CPNE6: variants seen among roughly 807,000 people sequenced by gnomAD.
CPNE6 encodes the protein copine-6.
A neutral mutation model predicts 71.5 loss-of-function variants in CPNE6; 33 were observed. The observed-to-expected ratio is 0.46, with a 90% CI of 0.35 to 0.62. CPNE6 has a LOEUF of 0.62. Ranked by LOEUF, CPNE6 falls within the 20% of genes least tolerant of loss-of-function variation. CPNE6 has a pLI of 0.00. For missense variants in CPNE6, 576 were observed against 747.3 expected, an observed-to-expected ratio of 0.77 and a Z score of 2.67; for synonymous variants, 296 against 293.0, an observed-to-expected ratio of 1.01 and a Z score of -0.10.
intron 1 of CPNE6, 61 bp from the exon 1 acceptor site, chr14:24,071,501 G>GGGCCCCCCCC: frequency 1.7e-5 from 24 of 1,416,670 alleles, no homozygotes; most frequent in Non-Finnish European, 2.1e-5. Context: ...CTGGTGCTGC[G>GGGCCCCCCCC]CCCCCCCCCA....
chr14:24,072,626 G>GGCC (rs1304766766), intron 2 of CPNE6: 1 of 284,202 alleles, frequency 3.5e-6, no homozygotes, highest in Non-Finnish European at 6.6e-6. Context: ...AGAAAGTGTA[G>GGCC]ATCAATCGAT....
At chr14:24,071,375 G>A (rs1343688560) in intron 1 of CPNE6, 187 bp from the exon 1 acceptor site, 3 of 1,445,282 alleles carry the variant, frequency 2.1e-6, no homozygotes, top group Admixed American at 5.3e-5. Flanking sequence ...GTCTGTGGGG[G>A]TCCTGCCTCT....
chr14:24,073,100 T>G lies in CPNE6; in HGVS notation c.164T>G (p.Val55Gly). 6.9e-7 allele frequency: 1 copy of G among 1,456,562 alleles called. No individual in the cohort carries two copies. The highest frequency in any genetic ancestry group is 9.1e-7 in the Non-Finnish European group (1 of 1,103,524). 90.2% of individuals were successfully genotyped at this position (1,456,562 alleles called of 1,614,324 possible). The change falls in exon 3 of 18, where the codon GTG (valine) becomes GGG (glycine). Residue 55 changes from valine (V) to glycine (G), a missense_variant. Around this residue, in one of 4 missense-constraint regions of CPNE6, gnomAD observed 89 missense variants for 80.4 expected, o/e 1.11. Coordinates refer to ENST00000397016, the Ensembl canonical transcript of CPNE6. This position sits in a 1 kb window ranked among gnomAD's most constrained non-coding sequence, Gnocchi z 5.5. ...AAGCTCTACTCTGATGAGCAGTGGG[T>G]GGAGGTGAGAGCAGCTCAGGTTTCT...
Position 24,075,345 on chromosome 14 carries a change from G to A in CPNE6, c.777+69G>A. On this transcript the variant is annotated intron_variant, in intron 9 of 17. Transcript: ENST00000397016. The surrounding 1 kb of genome is among the most constrained non-coding windows in gnomAD (Gnocchi z 4.3). ...GGAGAATCCTGAGGGTGATGCTGAAGAGACCACCATAGGTGATAGGAAGTG... is the reference window on the plus strand; with the variant it reads ...GGAGAATCCTGAGGGTGATGCTGAAAAGACCACCATAGGTGATAGGAAGTG... The A allele has an allele frequency of 4.1e-6, 6 of 1,468,736 alleles. No individual in the cohort carries two copies. Among genetic ancestry groups the A allele is most frequent in the Non-Finnish European group, 5.7e-6 (6 of 1,047,900 alleles). 91.0% of individuals were successfully genotyped at this position (1,468,736 alleles called of 1,614,324 possible). A position where few individuals can be genotyped will look rare whatever the true frequency, so the allele number is the denominator to read the frequency against.
In CPNE6 at chr14:24,073,628, A is replaced by G; in HGVS notation, c.298A>G (p.Ser100Gly). Residue 100 changes from serine to glycine, a missense_variant, in exon 4 of 18, where the codon AGC becomes GGC. Coordinates refer to ENST00000397016, the Ensembl canonical transcript of CPNE6. This position sits in a 1 kb window ranked among gnomAD's most constrained non-coding sequence, Gnocchi z 5.5. The stretch of plus-strand genomic sequence containing the variant: ...GTTCGATGCCGAGGACGGAGCCACC[A>G]GCCCCCGAAATGATACCTTCCTCGG... 1 of 1,613,994 alleles carries G rather than the reference A, an allele frequency of 6.2e-7. No homozygotes were observed. Among genetic ancestry groups the G allele is most frequent in the Non-Finnish European group, 8.5e-7 (1 of 1,180,024 alleles).
At position 24,074,218 on chromosome 14, in the gene CPNE6, C is replaced by T. The variant is rs939915466; in HGVS notation, c.424-73C>T. ...GACATCATGCCCAGGACCACCCCCA[C>T]CTAAGGGAAAGGGGATGGGGTGGCC... is the stretch of plus-strand genomic sequence containing the variant. On this transcript the variant is annotated intron_variant, in intron 5 of 17. Transcript: ENST00000397016. This position sits in a 1 kb window ranked among gnomAD's most constrained non-coding sequence, Gnocchi z 4.5. 85 of 1,595,538 alleles carry T rather than the reference C, an allele frequency of 5.3e-5. No individual in the cohort carries two copies. The highest frequency in any genetic ancestry group is 7.3e-5 in the Non-Finnish European group (85 of 1,163,302).
At position 24,074,683 on chromosome 14, in the gene CPNE6, C is replaced by T; in HGVS notation, c.583-23C>T. 1 of 1,613,610 alleles carries T rather than the reference C, an allele frequency of 6.2e-7. No homozygotes were observed. Among genetic ancestry groups the T allele is most frequent in the African/African-American group, 1.3e-5 (1 of 75,008 alleles). Reference sequence around the variant, plus strand: ...TAAGAAGACACAGACAGGAGCTGACCAGCCACCTGGTGCCTCTCCAAGGTG... The same window carrying T: ...TAAGAAGACACAGACAGGAGCTGACTAGCCACCTGGTGCCTCTCCAAGGTG... On this transcript the variant is annotated intron_variant, in intron 7 of 17. Transcript: ENST00000397016. The surrounding 1 kb of genome is among the most constrained non-coding windows in gnomAD (Gnocchi z 4.5).
At chr14:24,076,509 T>A in exon 14 of CPNE6, 2 of 1,614,076 alleles carry the variant, frequency 1.2e-6, no homozygotes, top group South Asian at 2.2e-5. Context: ...CTCACAGGTG[T>A]CCCATGACTT....
At chr14:24,071,896 C>A in intron 2 of CPNE6, 1 of 429,892 alleles carries the variant, frequency 2.3e-6, no homozygotes, top group Non-Finnish European at 4.1e-6. Context: ...AGATACCCAG[C>A]CAGAGAAAGG....
Position 24,077,086 on chromosome 14 carries a change from T to C in CPNE6, c.1300-68T>C. 1 of 1,596,880 alleles carries C rather than the reference T, an allele frequency of 6.3e-7. No homozygotes were observed. Among genetic ancestry groups the C allele is most frequent in the East Asian group, 2.2e-5 (1 of 44,718 alleles). ...TGGTGCCAGGGCCAGGGTCTGCACC[T>C]TGGTGGAAACGGTGTCAACGCCCTT... On this transcript the variant is annotated intron_variant, in intron 15 of 17. Coordinates refer to ENST00000397016, the Ensembl canonical transcript of CPNE6. The surrounding 1 kb of genome is among the most constrained non-coding windows in gnomAD (Gnocchi z 6.1).
At chr14:24,076,588 T>A in intron 14 of CPNE6, 31 bp downstream of exon 13, 2 of 1,613,268 alleles carry the variant, frequency 1.2e-6, no homozygotes, top group South Asian at 2.2e-5. Flanking sequence ...CTGCCCCGCC[T>A]CCCCGCAGAC....
rs1450585728 is a variant in CPNE6, at chr14:24,073,173, A to T, written c.168+69A>T. ...TTGGGAAAGAGGGAGGCTGGGTGGGAGCAGTGAAAGCCTTGCAGGGAAATG... is the reference window on the plus strand; with the variant it reads ...TTGGGAAAGAGGGAGGCTGGGTGGGTGCAGTGAAAGCCTTGCAGGGAAATG... On this transcript the variant is annotated intron_variant, in intron 3 of 17. Coordinates refer to ENST00000397016, the Ensembl canonical transcript of CPNE6. The surrounding 1 kb of genome is among the most constrained non-coding windows in gnomAD (Gnocchi z 5.5). 2 of 1,377,296 alleles carry T rather than the reference A, an allele frequency of 1.5e-6. No homozygotes were observed. Among genetic ancestry groups the T allele is most frequent in the Non-Finnish European group, 1.9e-6 (2 of 1,060,392 alleles). 85.3% of individuals were successfully genotyped at this position (1,377,296 alleles called of 1,614,324 possible). A position where few individuals can be genotyped will look rare whatever the true frequency, so the allele number is the denominator to read the frequency against.
At position 24,077,079 on chromosome 14, in the gene CPNE6, C is replaced by T; in HGVS notation, c.1299+67C>T. ...CTTTAAGTGGTGCCAGGGCCAGGGT[C>T]TGCACCTTGGTGGAAACGGTGTCAA... On this transcript the variant is annotated intron_variant, in intron 15 of 17. Coordinates refer to ENST00000397016, the Ensembl canonical transcript of CPNE6. This position sits in a 1 kb window ranked among gnomAD's most constrained non-coding sequence, Gnocchi z 6.1. The T allele has an allele frequency of 1.3e-6, 2 of 1,598,296 alleles. No individual in the cohort carries two copies. Among genetic ancestry groups the T allele is most frequent in the Non-Finnish European group, 8.5e-7 (1 of 1,176,012 alleles).
In CPNE6 at chr14:24,074,061, A is replaced by G. The variant is rs1262031576; in HGVS notation, c.359A>G (p.Gln120Arg). 2 of 1,614,206 alleles carry G rather than the reference A, an allele frequency of 1.2e-6. No individual in the cohort carries two copies. Among genetic ancestry groups the G allele is most frequent in the Non-Finnish European group, 1.7e-6 (2 of 1,180,036 alleles). The change falls in exon 5 of 18, where the codon CAA becomes CGA. Residue 120 changes from glutamine to arginine, a missense_variant. Gln to Arg is a conservative substitution (Grantham distance 43, BLOSUM62 1). Transcript: ENST00000397016. The surrounding 1 kb of genome is among the most constrained non-coding windows in gnomAD (Gnocchi z 4.5). ...CACCTCCATCCCCAGATTGTGTCAC[A>G]AACCAAGGTCACTAAGCCATTATTG...
chr14:24,076,523 T>C (rs748518280), exon 14 of CPNE6: 1 of 1,614,098 alleles, frequency 6.2e-7, no homozygotes, highest in Non-Finnish European at 8.5e-7. Context: ...ATGACTTTGC[T>C]ATCAACTTTG....
chr14:24,073,224 G>A lies in CPNE6; in HGVS notation c.168+120G>A. 9.7e-6 allele frequency: 11 copies of A among 1,128,726 alleles called. 1 individual carries two copies. In the Middle Eastern group the frequency reaches 1.2e-3, roughly 127 times the overall value. 69.9% of individuals were successfully genotyped at this position (1,128,726 alleles called of 1,614,324 possible). On this transcript the variant is annotated intron_variant, in intron 3 of 17. Transcript: ENST00000397016. This position sits in a 1 kb window ranked among gnomAD's most constrained non-coding sequence, Gnocchi z 5.5. ...TGTGGACTCTGCGGCGCCTTCTCGA[G>A]GCCGCTTGGGTACCCTGGAGATGGT...
chr14:24,075,287 T>G lies in CPNE6; in HGVS notation c.777+11T>G. ...AACCCTGGGCAGGAGGTGCCACAAA[T>G]ACCCCACCCCCAGAATCCCACCCAG... On this transcript the variant is annotated intron_variant, in intron 9 of 17. Transcript: ENST00000397016. The surrounding 1 kb of genome is among the most constrained non-coding windows in gnomAD (Gnocchi z 4.3). 6 of 1,605,814 alleles carry G rather than the reference T, an allele frequency of 3.7e-6. No individual in the cohort carries two copies. The highest frequency in any genetic ancestry group is 8.5e-7 in the Non-Finnish European group (1 of 1,172,536).
At chr14:24,071,501 G>GGGGCCCCCCC in intron 1 of CPNE6, 61 bp from the exon 1 acceptor site, 56 of 1,416,644 alleles carry the variant, frequency 4.0e-5, no homozygotes, top group Non-Finnish European at 5.1e-5. Context: ...CTGGTGCTGC[G>GGGGCCCCCCC]CCCCCCCCCA....
rs926724271 is a variant in CPNE6 at position 24,074,390 on chromosome 14, C to T, written c.498+25C>T. ...GGTTGGAACCCCAGAGTCCAGGCCC[C>T]CAACTCCCCTGTCACTCCTAGGCCT... On this transcript the variant is annotated intron_variant, in intron 6 of 17. Transcript: ENST00000397016. This position sits in a 1 kb window ranked among gnomAD's most constrained non-coding sequence, Gnocchi z 4.5. The T allele has an allele frequency of 6.5e-7, 1 of 1,549,970 alleles. No individual in the cohort carries two copies. Among genetic ancestry groups the T allele is most frequent in the African/African-American group, 1.4e-5 (1 of 73,126 alleles).
Sources: gnomAD v4.1 joint callset for allele counts on GRCh38, gnomAD v4.1.1 for gene constraint, gnomAD v4.1.1 regional missense constraint, Gnocchi (gnomAD v3.1) non-coding constraint, MANE v1.5 for transcripts, NCBI Gene and HGNC (gene_info 2026-07-23, HGNC 2026-07-21) for gene names.